NDUFA9: variants seen among roughly 807,000 people sequenced by gnomAD.
NDUFA9 encodes the protein NADH dehydrogenase [ubiquinone] 1 alpha subcomplex subunit 9, mitochondrial.
In NDUFA9, 23 loss-of-function variants were observed where a neutral mutation model predicts 45.9. The ratio of observed to expected loss-of-function variants is 0.50; its 90% CI spans 0.36 to 0.71. The LOEUF is 0.71. Ranked by LOEUF, NDUFA9 falls within the 30% of genes least tolerant of loss-of-function variation. The probability of loss-of-function intolerance (pLI) is 0.00; values close to 1 mark genes in which losing one functional copy is unlikely to be tolerated. For synonymous variants in NDUFA9, 176 were observed against 170.5 expected (o/e 1.03, Z -0.25); for missense variants, 466 against 488.2 (o/e 0.95, Z 0.43).
intron 6 of NDUFA9, 50 bp from the exon 7 acceptor site, chr12:4,668,407 T>TA: frequency 7.2e-7 from 1 of 1,390,058 alleles, no homozygotes; most frequent in Non-Finnish European, 1.0e-6. Context: ...TGTTGGATCT[T>TA]ACAGCAATTT....
intron 6 of NDUFA9, among the ~76,000 whole-genome samples, chr12:4,664,166 T>C (rs1945839946): frequency 6.6e-6 from 1 of 152,240 alleles, no homozygotes; most frequent in African/African-American, 2.4e-5. Context: ...TTTGGAAAAT[T>C]CTCAGCTTAT....
chr12:4,666,600 A>G (rs560456537), intron 6 of NDUFA9, among the ~76,000 whole-genome samples: 193 of 151,788 alleles, frequency 1.3e-3, no homozygotes, highest in African/African-American at 3.9e-3. Flanking sequence ...ATTCTTTTGC[A>G]TGTGGTTATC....
intron 6 of NDUFA9, among the ~76,000 whole-genome samples, chr12:4,666,540 T>A (rs1398729347): frequency 1.3e-5 from 2 of 152,350 alleles, no homozygotes; most frequent in Admixed American, 6.5e-5. Flanking sequence ...AGGTCTTTGA[T>A]CCATTTTGAC....
At chr12:4,655,734 T>C (rs1591542557) in intron 3 of NDUFA9, 1 of 152,240 alleles carries the variant, frequency 6.6e-6, no homozygotes, top group African/African-American at 2.4e-5. Context: ...AATCTACAGG[T>C]TCTTTAGGGC....
At chr12:4,672,210 C>T (rs552444997) in intron 8 of NDUFA9, among the ~76,000 whole-genome samples, 25 of 152,304 alleles carry the variant, frequency 1.6e-4, no homozygotes, top group Admixed American at 3.9e-4. Context: ...CCAGATACTG[C>T]GCTTTTCCCA....
chr12:4,673,598 C>T (rs114380944), intron 8 of NDUFA9, among the ~76,000 whole-genome samples: 4,830 of 138,530 alleles, frequency 0.035, 213 homozygotes, highest in African/African-American at 0.11. Flanking sequence ...ATTAACTCAA[C>T]GAAATAAAGT....
rs6489559 is a variant in NDUFA9 at position 4,687,836 on chromosome 12, T to A, written c.*728T>A. 150,388 of 152,346 alleles carry A rather than the reference T, an allele frequency of 0.99. 74,256 individuals are homozygous for A. Among genetic ancestry groups the A allele is most frequent in the Middle Eastern group, 1 (294 of 294 alleles). The allele number at this position is 152,346 out of a possible 1,614,324, so 9.4% of individuals were successfully genotyped here. On this transcript the variant is annotated 3_prime_UTR_variant, in exon 11 of 11. Transcript: ENST00000266544. ...ATTGCAGCCAAGACCCAGATGAACA[T>A]TTGGTTTAGTGTTGGCAAATCCCAC...
rs189240969 is a variant in NDUFA9 at position 4,680,664 on chromosome 12, C to T, written c.801-1541C>T. Among the ~76,000 whole-genome samples, 992 of 152,246 alleles carry T rather than the reference C, an allele frequency of 6.5e-3. 9 individuals carry two copies. Among genetic ancestry groups the T allele is most frequent in the Non-Finnish European group, 9.0e-3 (609 of 68,008 alleles). ...CATGTATTATATGTCCTGTAATGAT[C>T]CTTACAAATCCCTCTGGAATTTGAA... On this transcript the variant is annotated intron_variant, in intron 8 of 10. Transcript: ENST00000266544.
chr12:4,669,836 A>G lies in NDUFA9; in HGVS notation c.800+19A>G. ...TCGTTGGGTAAGTGCTTAGAGTTTG[A>G]ATTTTAAATTGTGCTATTATAATGA... is the stretch of plus-strand genomic sequence containing the variant. On this transcript the variant is annotated intron_variant, in intron 8 of 10. Transcript: ENST00000266544. 6.4e-7 allele frequency: 1 copy of G among 1,560,390 alleles called. No individual in the cohort carries two copies. Among genetic ancestry groups the G allele is most frequent in the Non-Finnish European group, 8.8e-7 (1 of 1,131,696 alleles).
At chr12:4,684,603 G>C (rs1945973042) in intron 9 of NDUFA9, among the ~76,000 whole-genome samples, 1 of 152,144 alleles carries the variant, frequency 6.6e-6, no homozygotes. Context: ...GACCCTGTCT[G>C]TGGAACAAAA....
intron 8 of NDUFA9, among the ~76,000 whole-genome samples, chr12:4,678,554 T>C (rs930413975): frequency 6.6e-6 from 1 of 152,176 alleles, no homozygotes; most frequent in Non-Finnish European, 1.5e-5. Flanking sequence ...ATTACATATC[T>C]GATAGAGGAC....
chr12:4,658,989 C>T (rs751029935), intron 4 of NDUFA9, 47 bp from the exon 5 acceptor site: 4 of 1,552,524 alleles, frequency 2.6e-6, no homozygotes, highest in Admixed American at 1.8e-5. Flanking sequence ...GCTTTGAGAT[C>T]CTGTGTGTGG....
intron 9 of NDUFA9, 79 bp from the exon 10 acceptor site, chr12:4,685,180 C>A: frequency 7.9e-7 from 1 of 1,265,064 alleles, no homozygotes; most frequent in Non-Finnish European, 1.2e-6. Context: ...GGTCTGTCTT[C>A]CTGCAGTTCT....
rs2137488733 is a variant in NDUFA9, at chr12:4,685,243, G to A, written c.897-16G>A. On this transcript the variant is annotated splice_polypyrimidine_tract_variant and intron_variant, in intron 9 of 10. Coordinates refer to ENST00000266544, the MANE Select transcript of NDUFA9 (RefSeq NM_005002.5). ...GAGATGCTTATCACATGTGCTATAT[G>A]TATTTCTCTTTCCAGATGGGTAGCA... 6.2e-7 allele frequency: 1 copy of A among 1,605,142 alleles called. No individual in the cohort carries two copies. The highest frequency in any genetic ancestry group is 8.5e-7 in the Non-Finnish European group (1 of 1,171,796).
At chr12:4,667,551 AC>A in intron 6 of NDUFA9, 3 of 215,868 alleles carry the variant, frequency 1.4e-5, no homozygotes, top group South Asian at 8.9e-5. Flanking sequence ...GCACTCTGAC[AC>A]CCAGGCTGGA....
intron 1 of NDUFA9, among the ~76,000 whole-genome samples, chr12:4,652,825 T>C (rs1485449986): frequency 1.3e-5 from 2 of 152,248 alleles, no homozygotes; most frequent in African/African-American, 2.4e-5. Context: ...TTTGTTATTA[T>C]GATGTGTGGT....
rs192313373 is a variant in NDUFA9 at position 4,685,346 on chromosome 12, C to T, written c.963+21C>T. ...AGCGGGTGAGTACATGTGTGGAAAG[C>T]GTCTGCCTGGGCAGATGATGAGGCG... On this transcript the variant is annotated intron_variant, in intron 10 of 10. Coordinates refer to ENST00000266544, the MANE Select transcript of NDUFA9 (RefSeq NM_005002.5). 177 of 1,601,754 alleles carry T rather than the reference C, an allele frequency of 1.1e-4. No homozygotes were observed. The Admixed American group carries it at 2.6e-3, about 23-fold the overall frequency.
intron 8 of NDUFA9, among the ~76,000 whole-genome samples, chr12:4,672,276 C>T (rs1591547492): frequency 6.6e-6 from 1 of 152,202 alleles, no homozygotes; most frequent in East Asian, 1.9e-4. Flanking sequence ...GCCACCAGGG[C>T]CCTGGTTTTC....
At position 4,657,770 on chromosome 12, in the gene NDUFA9, A is replaced by T. The variant is rs765033754; in HGVS notation, c.341A>T (p.Asp114Val). ...LFLEWDARDK[D>V]SIRRVVQHSN... Reference sequence around the variant, plus strand: ...TAGGAATGGGACGCGAGAGATAAAGATTCTATCCGACGAGTAGTACAACAC... The same window carrying T: ...TAGGAATGGGACGCGAGAGATAAAGTTTCTATCCGACGAGTAGTACAACAC... The change falls in exon 4 of 11, where the codon GAT becomes GTT. Residue 114 changes from aspartate (D) to valine (V), a missense_variant. By Grantham distance (152) the Asp-to-Val change is radical (BLOSUM62 -3). Transcript: ENST00000266544. 24 of 1,613,506 alleles carry T rather than the reference A, an allele frequency of 1.5e-5. No homozygotes were observed. The highest frequency in any genetic ancestry group is 2.0e-5 in the Non-Finnish European group (24 of 1,179,666).
Sources: gnomAD v4.1 joint callset for allele counts (sites outside exome capture counted in the v4.1 genomes callset) on GRCh38, gnomAD v4.1.1 for gene constraint, MANE v1.5 for transcripts, NCBI Gene and HGNC (gene_info 2026-07-23, HGNC 2026-07-21) for gene names.